ADAMTSL1: variants seen among roughly 807,000 people sequenced by gnomAD.
ADAMTSL1 encodes ADAMTS like 1.
A neutral mutation model predicts 201.8 loss-of-function variants in ADAMTSL1; 126 were observed. The ratio of observed to expected loss-of-function variants is 0.62; its 90% CI spans 0.54 to 0.72. ADAMTSL1 has a LOEUF of 0.72. ADAMTSL1 is among the 30% of genes least tolerant of loss of function. The pLI, the probability that ADAMTSL1 is intolerant of heterozygous loss-of-function variation, is 0.00. For missense variants in ADAMTSL1, 2,679 were observed against 2,277.8 expected, an observed-to-expected ratio of 1.18 and a Z score of -3.59; for synonymous variants, 1,121 against 903.4, an observed-to-expected ratio of 1.24 and a Z score of -4.32.
chr9:18,228,548 T>A (rs1830516838), intron 2 of ADAMTSL1, among the ~76,000 whole-genome samples: 2 of 152,140 alleles, frequency 1.3e-5, no homozygotes, highest in Admixed American at 1.3e-4. Context: ...GCCTCCTGGG[T>A]AGCTGGAACT....
intron 1 of ADAMTSL1, among the ~76,000 whole-genome samples, chr9:17,956,274 A>G (rs1300296612): frequency 1.3e-5 from 2 of 152,132 alleles, no homozygotes; most frequent in Admixed American, 1.3e-4. Flanking sequence ...CTCGTGATCA[A>G]TTACCTACAT....
intron 1 of ADAMTSL1, among the ~76,000 whole-genome samples, chr9:18,494,547 C>T (rs537417818): frequency 2.0e-5 from 3 of 152,184 alleles, no homozygotes; most frequent in South Asian, 4.2e-4. Flanking sequence ...TACTAGATGT[C>T]CTCACAGCAC....
At chr9:18,589,996 C>T (rs1409938294) in intron 4 of ADAMTSL1, among the ~76,000 whole-genome samples, 5 of 152,028 alleles carry the variant, frequency 3.3e-5, no homozygotes, top group Admixed American at 2.0e-4. Context: ...TTTCCACATA[C>T]GTTCATGAAG....
chr9:17,926,097 G>A (rs147853453), intron 1 of ADAMTSL1, among the ~76,000 whole-genome samples: 3 of 152,214 alleles, frequency 2.0e-5, no homozygotes, highest in African/African-American at 7.2e-5. Flanking sequence ...GGTCTGTGAT[G>A]TCTACTGCAT....
At chr9:18,072,545 T>C (rs1266207426) in intron 1 of ADAMTSL1, among the ~76,000 whole-genome samples, 1 of 152,218 alleles carries the variant, frequency 6.6e-6, no homozygotes, top group African/African-American at 2.4e-5. Flanking sequence ...ATGTGTTTTG[T>C]ATTTTTGTTT....
At chr9:18,614,817 C>A (rs1436989434) in intron 4 of ADAMTSL1, among the ~76,000 whole-genome samples, 1 of 152,142 alleles carries the variant, frequency 6.6e-6, no homozygotes, top group Non-Finnish European at 1.5e-5. Flanking sequence ...TTACTCCTCC[C>A]AAGGGTATTG....
chr9:18,527,943 T>A (rs1402785648), intron 2 of ADAMTSL1, among the ~76,000 whole-genome samples: 1 of 152,124 alleles, frequency 6.6e-6, no homozygotes, highest in East Asian at 1.9e-4. Flanking sequence ...AATGGTACAA[T>A]CTCGGCTCAC....
At position 18,478,909 on chromosome 9, in the gene ADAMTSL1, G is replaced by A. The variant is rs191991207; in HGVS notation, c.63+4614G>A. ...GTTTTCACCAGAATGAGACAAGTGC[G>A]TGTCATTTTCTGTCTACATCATAAA... On this transcript the variant is annotated intron_variant, in intron 1 of 28. Coordinates refer to ENST00000380548, the MANE Select transcript of ADAMTSL1 (RefSeq NM_001040272.6). Among the ~76,000 whole-genome samples, 57 of 152,326 alleles carry A rather than the reference G, an allele frequency of 3.7e-4. 1 individual carries two copies. The highest frequency in any genetic ancestry group is 1.2e-3 in the African/African-American group (50 of 41,582).
intron 7 of ADAMTSL1, among the ~76,000 whole-genome samples, chr9:18,646,109 C>T (rs1827793795): frequency 6.6e-6 from 1 of 151,744 alleles, no homozygotes; most frequent in African/African-American, 2.4e-5. Context: ...CTTCACATCC[C>T]TTGTAAGTTG....
intron 1 of ADAMTSL1, among the ~76,000 whole-genome samples, chr9:18,159,642 A>T (rs1427136407): frequency 7.2e-5 from 11 of 152,050 alleles, no homozygotes; most frequent in African/African-American, 2.7e-4. Flanking sequence ...GTCACAGCTC[A>T]TAGAGTAAAC....
At chr9:18,386,681 T>C (rs1213289800) in intron 2 of ADAMTSL1, among the ~76,000 whole-genome samples, 1 of 152,214 alleles carries the variant, frequency 6.6e-6, no homozygotes, top group Non-Finnish European at 1.5e-5. Context: ...CTTCACTTTG[T>C]GACATTTTAA....
At chr9:18,056,831 G>A (rs1297236620) in intron 1 of ADAMTSL1, among the ~76,000 whole-genome samples, 2 of 152,070 alleles carry the variant, frequency 1.3e-5, no homozygotes, top group Non-Finnish European at 1.5e-5. Context: ...TCTCCCTGCA[G>A]TGCCCTTCAC....
chr9:18,452,635 C>T (rs919279605), intron 2 of ADAMTSL1, among the ~76,000 whole-genome samples: 11 of 152,210 alleles, frequency 7.2e-5, no homozygotes, highest in African/African-American at 2.4e-4. Flanking sequence ...CAATGGTGGA[C>T]AGGCATAAGA....
intron 1 of ADAMTSL1, among the ~76,000 whole-genome samples, chr9:17,946,536 T>C (rs1443836261): frequency 6.6e-6 from 1 of 152,168 alleles, no homozygotes; most frequent in African/African-American, 2.4e-5. Flanking sequence ...TGACTAAATT[T>C]AGAGGCTGTG....
chr9:18,740,413 G>A (rs1456667172), intron 15 of ADAMTSL1, among the ~76,000 whole-genome samples: 1 of 138,800 alleles, frequency 7.2e-6, no homozygotes, highest in African/African-American at 2.6e-5. Flanking sequence ...GCAAGAACTA[G>A]AGTTTTCCAA....
chr9:18,219,085 C>T (rs920539146), intron 2 of ADAMTSL1, among the ~76,000 whole-genome samples: 6 of 151,662 alleles, frequency 4.0e-5, no homozygotes, highest in Admixed American at 6.6e-5. Context: ...TTTCATTACT[C>T]TATTGACTTA....
chr9:18,097,264 C>T (rs1824292633), intron 1 of ADAMTSL1, among the ~76,000 whole-genome samples: 1 of 152,190 alleles, frequency 6.6e-6, no homozygotes, highest in South Asian at 2.1e-4. Context: ...TGCTGTGTAG[C>T]ATTCTATTGT....
Position 18,487,866 on chromosome 9 carries a change from G to A in ADAMTSL1, c.63+13571G>A, listed in dbSNP as rs947750885. On this transcript the variant is annotated intron_variant, in intron 1 of 28. Transcript: ENST00000380548. The stretch of plus-strand genomic sequence containing the variant: ...CAGCTTCAGAACCAAGTTCATTGCA[G>A]TTCACAGCTTGTACCGTATTTCATC... Among the ~76,000 whole-genome samples, 7 of 152,150 alleles carry A rather than the reference G, an allele frequency of 4.6e-5. No homozygotes were observed. The South Asian group carries it at 1.4e-3, about 32-fold the overall frequency.
At chr9:18,173,714 C>A (rs1461478278) in intron 2 of ADAMTSL1, among the ~76,000 whole-genome samples, 1 of 151,702 alleles carries the variant, frequency 6.6e-6, no homozygotes, top group Non-Finnish European at 1.5e-5. Flanking sequence ...TAGGCTCAGA[C>A]AACCTCTCAA....
Sources: allele counts gnomAD v4.1 joint callset (sites outside exome capture counted in the v4.1 genomes callset), GRCh38; gene constraint gnomAD v4.1.1; transcripts MANE v1.5; gene names NCBI Gene and HGNC (gene_info 2026-07-23, HGNC 2026-07-21).